The following TMEM44 variants were observed in gnomAD, a reference collection of about 807,000 sequenced individuals.
The protein encoded by TMEM44 is transmembrane protein 44.
Under a neutral mutation model 47.8 loss-of-function variants are expected in TMEM44, and 43 were observed. That is an observed-to-expected ratio of 0.90 (90% CI 0.70 to 1.16). TMEM44 has a LOEUF of 1.16. TMEM44 is among the 50% of genes most tolerant of loss of function. The pLI, the probability that TMEM44 is intolerant of heterozygous loss-of-function variation, is 0.00. For missense variants in TMEM44, 568 were observed against 555.2 expected (o/e 1.02, Z -0.23); for synonymous variants, 277 against 238.8 (o/e 1.16, Z -1.48).
At chr3:194,591,228 C>T (rs1273430378) in intron 9 of TMEM44, among the ~76,000 whole-genome samples, 6 of 151,784 alleles carry the variant, frequency 4.0e-5, no homozygotes, top group African/African-American at 1.2e-4. Context: ...TGTGGTGGCT[C>T]ACGCCTGTAA....
At chr3:194,605,499 G>A (rs1181447430) in intron 8 of TMEM44, among the ~76,000 whole-genome samples, 3 of 152,230 alleles carry the variant, frequency 2.0e-5, no homozygotes, top group Non-Finnish European at 2.9e-5. Context: ...GAAGGCAAAG[G>A]AGGAGCAAGT....
rs1362343791 is a variant in TMEM44 at position 194,615,713 on chromosome 3, T to C, written c.784-16A>G. 1 of 1,612,912 alleles carries C rather than the reference T, an allele frequency of 6.2e-7. No individual in the cohort carries two copies. The highest frequency in any genetic ancestry group is 8.5e-7 in the Non-Finnish European group (1 of 1,179,360). Reference sequence around the variant, plus strand: ...GGAAAATAATCTGAGATGGTGTAAGTTAAGGTAGGAAGCAGAATATTCCAG... The same window carrying C: ...GGAAAATAATCTGAGATGGTGTAAGCTAAGGTAGGAAGCAGAATATTCCAG... On this transcript the variant is annotated splice_polypyrimidine_tract_variant and intron_variant, in intron 6 of 9. Coordinates refer to ENST00000347147, the MANE Select transcript of TMEM44 (RefSeq NM_001011655.3).
At position 194,599,916 on chromosome 3, in the gene TMEM44, T is replaced by C. The variant is rs540867147; in HGVS notation, c.1176+4371A>G. 2.5e-3 allele frequency among the ~76,000 whole-genome samples: 372 copies of C among 151,378 alleles called. 1 individual carries two copies. Among genetic ancestry groups the C allele is most frequent in the South Asian group, 0.02 (98 of 4,792 alleles). ...CTGGGATTACAGGCATGCGCCACCATACCCGGCTAATTTTTGTATTTTTAG... is the reference window on the plus strand; with the variant it reads ...CTGGGATTACAGGCATGCGCCACCACACCCGGCTAATTTTTGTATTTTTAG... On this transcript the variant is annotated intron_variant, in intron 9 of 9. Coordinates refer to ENST00000347147, the MANE Select transcript of TMEM44 (RefSeq NM_001011655.3).
In TMEM44 at chr3:194,603,761, G is replaced by A. The variant is rs913946264; in HGVS notation, c.1176+526C>T. 1.6e-4 allele frequency among the ~76,000 whole-genome samples: 25 copies of A among 152,260 alleles called. 1 individual carries two copies. Among genetic ancestry groups the A allele is most frequent in the East Asian group, 1.2e-3 (6 of 5,188 alleles). ...ATCACTCAAGTGATCGGTGAAGACC[G>A]GGCCCCAATATGCAGTGTCCCTGCG... is the stretch of plus-strand genomic sequence containing the variant. On this transcript the variant is annotated intron_variant, in intron 9 of 9. Transcript: ENST00000347147.
intron 3 of TMEM44, 104 bp downstream of exon 3, chr3:194,625,793 T>C: frequency 9.7e-7 from 1 of 1,032,784 alleles, no homozygotes; most frequent in Non-Finnish European, 1.5e-6. Context: ...CTCCTTTGTT[T>C]GTGCCTGGCT....
chr3:194,613,073 G>C (rs1032256993), intron 7 of TMEM44, among the ~76,000 whole-genome samples: 1 of 152,190 alleles, frequency 6.6e-6, no homozygotes, highest in Non-Finnish European at 1.5e-5. Flanking sequence ...GAGGTCATCT[G>C]TTTAAATCAA....
chr3:194,630,354 C>T (rs1342545882), intron 1 of TMEM44, among the ~76,000 whole-genome samples: 1 of 91,832 alleles, frequency 1.1e-5, no homozygotes, highest in African/African-American at 4.6e-5. Flanking sequence ...TGAAATGATA[C>T]GCTGTCGTAC....
intron 7 of TMEM44, among the ~76,000 whole-genome samples, chr3:194,614,837 C>A (rs1715706721): frequency 6.6e-6 from 1 of 152,172 alleles, no homozygotes; most frequent in Admixed American, 6.6e-5. Flanking sequence ...AAATATAAGC[C>A]ATTAAGTGAC....
chr3:194,624,326 C>T (rs984155359), intron 3 of TMEM44, among the ~76,000 whole-genome samples: 1 of 151,922 alleles, frequency 6.6e-6, no homozygotes. Context: ...CTGCCCAGCT[C>T]TCTCCTGAGA....
chr3:194,629,848 A>G (rs377109797), intron 1 of TMEM44, among the ~76,000 whole-genome samples: 2 of 73,704 alleles, frequency 2.7e-5, no homozygotes, highest in Non-Finnish European at 5.2e-5. Flanking sequence ...CCCCTGAAAT[A>G]ATACGCTGTC....
intron 9 of TMEM44, among the ~76,000 whole-genome samples, chr3:194,603,688 A>C (rs544069290): frequency 3.2e-4 from 49 of 152,086 alleles, no homozygotes; most frequent in African/African-American, 1.1e-3. Context: ...GTGAGCCACC[A>C]CACCCAGCCA....
At chr3:194,621,901 G>A (rs774785416) in intron 5 of TMEM44, among the ~76,000 whole-genome samples, 1 of 152,112 alleles carries the variant, frequency 6.6e-6, no homozygotes, top group South Asian at 2.1e-4. Context: ...TAGTAGAGAC[G>A]GGGTTTCAGC....
chr3:194,600,807 G>A (rs956337220), intron 9 of TMEM44, among the ~76,000 whole-genome samples: 1 of 152,132 alleles, frequency 6.6e-6, no homozygotes, highest in Non-Finnish European at 1.5e-5. Context: ...AGAAGGACCA[G>A]GGGATCACAC....
Position 194,623,324 on chromosome 3 carries a change from C to T in TMEM44, c.526-14G>A, listed in dbSNP as rs1339664147. The T allele has an allele frequency of 6.3e-7, 1 of 1,594,766 alleles. No homozygotes were observed. The highest frequency in any genetic ancestry group is 8.5e-7 in the Non-Finnish European group (1 of 1,169,782). On this transcript the variant is annotated splice_polypyrimidine_tract_variant and intron_variant, in intron 4 of 9. Transcript: ENST00000347147. ...CTCAGTATTTTCCTGCAAGAACGAA[C>T]AGGTGATCCACCATCAGTACTCTGC...
chr3:194,592,978 C>T (rs973666591), intron 9 of TMEM44: 1 of 1,587,838 alleles, frequency 6.3e-7, no homozygotes, highest in South Asian at 1.1e-5. Flanking sequence ...CTAACAAAAA[C>T]AGGAACTGAA....
At chr3:194,604,141 A>T in intron 9 of TMEM44, 146 bp downstream of exon 9, 1 of 1,058,960 alleles carries the variant, frequency 9.4e-7, no homozygotes, top group Non-Finnish European at 1.3e-6. Flanking sequence ...GGTGTGAGCC[A>T]CCGCGCCTGG....
At chr3:194,610,230 A>G (rs1381991876) in intron 8 of TMEM44, among the ~76,000 whole-genome samples, 2 of 151,270 alleles carry the variant, frequency 1.3e-5, no homozygotes, top group African/African-American at 2.4e-5. Flanking sequence ...AAAAAGAGAG[A>G]AAAAGATGAT....
chr3:194,614,555 C>G (rs1286013240), intron 7 of TMEM44, among the ~76,000 whole-genome samples: 1 of 152,116 alleles, frequency 6.6e-6, no homozygotes, highest in Admixed American at 6.5e-5. Flanking sequence ...AGGCACACAC[C>G]ACCATACCCG....
chr3:194,605,555 G>A (rs903396689), intron 8 of TMEM44, among the ~76,000 whole-genome samples: 8 of 152,164 alleles, frequency 5.3e-5, no homozygotes, highest in African/African-American at 2.4e-5. Context: ...GCTTGTGTAG[G>A]GGAGCTCCTC....
Sources: allele counts gnomAD v4.1 joint callset (sites outside exome capture counted in the v4.1 genomes callset), GRCh38; gene constraint gnomAD v4.1.1; transcripts MANE v1.5; gene names NCBI Gene and HGNC (gene_info 2026-07-23, HGNC 2026-07-21).